Variants in LRP12 observed in about 807,000 individuals in gnomAD.
LRP12 encodes the protein low-density lipoprotein receptor-related protein 12.
In LRP12, 14 loss-of-function variants were observed where a neutral mutation model predicts 66.0. The observed-to-expected ratio is 0.21, with a 90% CI of 0.14 to 0.33. The LOEUF (loss-of-function observed/expected upper bound fraction) is 0.33. Among genes scored for constraint, LRP12 ranks in the 10% least tolerant of loss-of-function variants. LRP12 has a pLI of 1.00. For synonymous variants in LRP12, 357 were observed against 359.1 expected, an observed-to-expected ratio of 0.99 and a Z score of 0.07; for missense variants, 889 against 1,053.4, an observed-to-expected ratio of 0.84 and a Z score of 2.16.
chr8:104,545,592 GAGA>G (rs754169088), intron 1 of LRP12, among the ~76,000 whole-genome samples: 3 of 152,144 alleles, frequency 2.0e-5, no homozygotes, highest in Non-Finnish European at 2.9e-5. Flanking sequence ...CTTTAACCAA[GAGA>G]AGAATTGTAA....
chr8:104,510,751 A>C (rs550526526), intron 2 of LRP12, among the ~76,000 whole-genome samples: 1 of 152,284 alleles, frequency 6.6e-6, no homozygotes, highest in South Asian at 2.1e-4. Flanking sequence ...AATTTTCAGA[A>C]AAACAAACAC....
chr8:104,525,822 T>C (rs925496790), intron 2 of LRP12, among the ~76,000 whole-genome samples: 21 of 152,208 alleles, frequency 1.4e-4, no homozygotes, highest in African/African-American at 4.8e-4. Context: ...GTGTTGGAAA[T>C]TCTGGCCAGG....
chr8:104,556,275 G>T (rs185526723), intron 1 of LRP12, among the ~76,000 whole-genome samples: 1 of 151,588 alleles, frequency 6.6e-6, no homozygotes, highest in Non-Finnish European at 1.5e-5. Context: ...AAACCCAGCA[G>T]AAGAAAAGAA....
At chr8:104,519,866 T>C (rs1308155467) in intron 2 of LRP12, among the ~76,000 whole-genome samples, 1 of 152,062 alleles carries the variant, frequency 6.6e-6, no homozygotes, top group Non-Finnish European at 1.5e-5. Context: ...TATTTATTCA[T>C]ATTATTCTAA....
intron 1 of LRP12, among the ~76,000 whole-genome samples, chr8:104,536,163 C>A (rs1811390533): frequency 1.3e-5 from 2 of 152,050 alleles, no homozygotes; most frequent in South Asian, 4.1e-4. Flanking sequence ...TTCCTAACTA[C>A]TTCTAAATCT....
intron 3 of LRP12, among the ~76,000 whole-genome samples, chr8:104,502,505 T>C (rs1019258189): frequency 9.2e-5 from 14 of 152,176 alleles, no homozygotes; most frequent in East Asian, 3.8e-4. Flanking sequence ...TACTGTCCCA[T>C]CCTCAACTGC....
intron 1 of LRP12, among the ~76,000 whole-genome samples, chr8:104,579,819 AGCC>A (rs1812218181): frequency 6.6e-6 from 1 of 152,210 alleles, no homozygotes; most frequent in Non-Finnish European, 1.5e-5. Flanking sequence ...GACAAAAATG[AGCC>A]ATAGGAAAAG....
At chr8:104,510,404 T>C (rs975511383) in intron 2 of LRP12, among the ~76,000 whole-genome samples, 2 of 152,200 alleles carry the variant, frequency 1.3e-5, no homozygotes, top group African/African-American at 4.8e-5. Flanking sequence ...TGATTAGACA[T>C]CTGCATATCA....
intron 1 of LRP12, among the ~76,000 whole-genome samples, chr8:104,556,344 T>C (rs1474072460): frequency 6.6e-6 from 1 of 151,850 alleles, no homozygotes; most frequent in African/African-American, 2.4e-5. Context: ...ACAAAATATA[T>C]ATAAACAAAA....
chr8:104,491,024 T>C lies in LRP12; in HGVS notation c.2229A>G (p.Thr743=). The C allele has an allele frequency of 6.2e-7, 1 of 1,614,146 alleles. No individual in the cohort carries two copies. Among genetic ancestry groups the C allele is most frequent in the Non-Finnish European group, 8.5e-7 (1 of 1,180,018 alleles). Residue 743 remains threonine, a synonymous_variant, in exon 7 of 7, where the codon ACA becomes ACG. Coordinates refer to ENST00000276654, the MANE Select transcript of LRP12 (RefSeq NM_013437.5). The part of the protein sequence containing the change: ...MTQGLRWVRF[T]LGRSSSLSQN... ...GACTTAGGGAACTTGATCGTCCTAA[T>C]GTAAAACGTACCCAGCGTAGCCCCT...
chr8:104,536,326 A>AC (rs1564138405), intron 1 of LRP12, among the ~76,000 whole-genome samples: 2 of 152,076 alleles, frequency 1.3e-5, no homozygotes, highest in Non-Finnish European at 2.9e-5. Flanking sequence ...ATACTAGGTT[A>AC]GGTCATTCTG....
chr8:104,544,515 T>G (rs535062452), intron 1 of LRP12, among the ~76,000 whole-genome samples: 1 of 152,312 alleles, frequency 6.6e-6, no homozygotes, highest in Admixed American at 6.5e-5. Flanking sequence ...GCTTCAAAGC[T>G]TCAAAGGACA....
chr8:104,496,691 CTG>C (rs1438662660), intron 5 of LRP12, among the ~76,000 whole-genome samples: 1 of 152,128 alleles, frequency 6.6e-6, no homozygotes, highest in East Asian at 1.9e-4. Context: ...AACACTAAAA[CTG>C]AGAGCTGCAG....
At chr8:104,587,737 C>T (rs1388706558) in intron 1 of LRP12, among the ~76,000 whole-genome samples, 2 of 152,190 alleles carry the variant, frequency 1.3e-5, no homozygotes, top group Non-Finnish European at 2.9e-5. Context: ...AACCTCACCA[C>T]CACCACCATT....
At chr8:104,545,691 T>C (rs1300077844) in intron 1 of LRP12, among the ~76,000 whole-genome samples, 4 of 152,226 alleles carry the variant, frequency 2.6e-5, no homozygotes, top group East Asian at 1.9e-4. Flanking sequence ...AGATATGTCA[T>C]TGCATACTTA....
chr8:104,566,598 T>C (rs995401028), intron 1 of LRP12, among the ~76,000 whole-genome samples: 4 of 152,228 alleles, frequency 2.6e-5, no homozygotes, highest in East Asian at 3.8e-4. Context: ...GTGAATCAAC[T>C]TGTGATTTGT....
At chr8:104,500,924 G>A (rs907466321) in intron 3 of LRP12, among the ~76,000 whole-genome samples, 9 of 152,128 alleles carry the variant, frequency 5.9e-5, no homozygotes, top group African/African-American at 1.4e-4. Context: ...TACCCCACAC[G>A]TTTAGCAAAA....
intron 2 of LRP12, among the ~76,000 whole-genome samples, chr8:104,519,907 C>T (rs1811122293): frequency 6.6e-6 from 1 of 151,942 alleles, no homozygotes; most frequent in Non-Finnish European, 1.5e-5. Flanking sequence ...AAATATTTTA[C>T]TTGGCTATCA....
chr8:104,561,503 T>C (rs1811906308), intron 1 of LRP12, among the ~76,000 whole-genome samples: 1 of 152,204 alleles, frequency 6.6e-6, no homozygotes, highest in African/African-American at 2.4e-5. Context: ...AATCCTGTCA[T>C]TACTTCCACA....
Sources: allele counts gnomAD v4.1 joint callset (sites outside exome capture counted in the v4.1 genomes callset), GRCh38; gene constraint gnomAD v4.1.1; transcripts MANE v1.5; gene names NCBI Gene and HGNC (gene_info 2026-07-23, HGNC 2026-07-21).